The following NSD2 variants were observed in gnomAD, a reference collection of about 807,000 sequenced individuals.
NSD2 encodes the protein histone-lysine N-methyltransferase NSD2.
NSD2 carries 12 observed loss-of-function variants against 139.0 expected under a neutral mutation model. The observed-to-expected ratio is 0.09, with a 90% CI of 0.06 to 0.14. The LOEUF (loss-of-function observed/expected upper bound fraction) is 0.14. Ranked by LOEUF, NSD2 falls within the 10% of genes least tolerant of loss-of-function variation. The pLI is 1.00. For synonymous variants in NSD2, 669 were observed against 648.7 expected (o/e 1.03, Z -0.48); for missense variants, 1,155 against 1,745.0 (o/e 0.66, Z 6.02).
At chr4:1,898,678 A>G (rs1716743816) in intron 1 of NSD2, among the ~76,000 whole-genome samples, 1 of 149,458 alleles carries the variant, frequency 6.7e-6, no homozygotes, top group African/African-American at 2.5e-5. Flanking sequence ...AAAACAAAAA[A>G]CAAAAAACAC....
intron 19 of NSD2, 122 bp downstream of exon 19, chr4:1,975,126 CTT>C (rs1394497068): frequency 6.6e-6 from 10 of 1,512,320 alleles, no homozygotes; most frequent in Non-Finnish European, 8.1e-6. Context: ...TGTGGAGTCT[CTT>C]TTGGTTTGAA....
In NSD2 at chr4:1,978,598, C is replaced by T. The variant is rs775845035; in HGVS notation, c.3827-40C>T. ...CCACGATAATGTTGAAGTCGTGATT[C>T]CATCACTTCTGTGTGCTCACATCTT... is the stretch of plus-strand genomic sequence containing the variant. On this transcript the variant is annotated intron_variant, in intron 21 of 21. Coordinates refer to ENST00000508803, the MANE Select transcript of NSD2 (RefSeq NM_001042424.3). The T allele has an allele frequency of 4.5e-6, 7 of 1,562,562 alleles. No homozygotes were observed. The South Asian group carries it at 7.2e-5, about 16-fold the overall frequency.
At chr4:1,944,749 C>G in intron 9 of NSD2, 4 of 1,064,660 alleles carry the variant, frequency 3.8e-6, no homozygotes, top group Non-Finnish European at 4.6e-6. Flanking sequence ...CTTTATATAT[C>G]TGCTTCTAAA....
rs1329396675 is a variant in NSD2, at chr4:1,918,635, G to A, written c.1410+12G>A. 6.2e-7 allele frequency: 1 copy of A among 1,609,894 alleles called. No individual in the cohort carries two copies. The highest frequency in any genetic ancestry group is 8.5e-7 in the Non-Finnish European group (1 of 1,177,462). On this transcript the variant is annotated intron_variant, in intron 5 of 21. Transcript: ENST00000508803. ...AACACAGGGATGAGGTCAGTACTAA[G>A]TTGTGTTTCATGCTAGCAAGTTTCA... is the stretch of plus-strand genomic sequence containing the variant.
intron 1 of NSD2, among the ~76,000 whole-genome samples, chr4:1,896,663 G>A (rs549810888): frequency 4.9e-4 from 73 of 149,492 alleles, no homozygotes; most frequent in Non-Finnish European, 9.4e-4. Flanking sequence ...CACTGTGCCC[G>A]GCCTCCCTCC....
At position 1,959,632 on chromosome 4, in the gene NSD2, C is replaced by T. The variant is rs199630463; in HGVS notation, c.3147C>T (p.Gly1049=). The part of the protein sequence containing the change: ...FECHPQVCPA[G]EFCQNQCFTK... Reference sequence around the variant, plus strand: ...GCCACCCGCAGGTGTGTCCCGCGGGCGAGTTCTGCCAGAACCAGTGCTTCA... The same window carrying T: ...GCCACCCGCAGGTGTGTCCCGCGGGTGAGTTCTGCCAGAACCAGTGCTTCA... The change falls in exon 17 of 22, where the codon GGC becomes GGT. Residue 1049 remains glycine, a synonymous_variant. Transcript: ENST00000508803. The T allele has an allele frequency of 2.2e-5, 36 of 1,614,106 alleles. No individual in the cohort carries two copies. Among genetic ancestry groups the T allele is most frequent in the African/African-American group, 1.2e-4 (9 of 75,012 alleles).
Position 1,912,863 on chromosome 4 carries a change from C to G in NSD2, c.761-4008C>G, listed in dbSNP as rs1718858697. On this transcript the variant is annotated intron_variant, in intron 3 of 21. Transcript: ENST00000508803. ...GTAAGCTTAGACTTTCTTTAAGCTG[C>G]TTTCCCTAGTTATTTACATTGTTTT... Among the ~76,000 whole-genome samples, 3 of 152,252 alleles carry G rather than the reference C, an allele frequency of 2.0e-5. No homozygotes were observed. The South Asian group carries it at 6.2e-4, about 32-fold the overall frequency.
chr4:1,901,811 A>T (rs1362834155), intron 2 of NSD2, among the ~76,000 whole-genome samples: 1 of 152,144 alleles, frequency 6.6e-6, no homozygotes, highest in Non-Finnish European at 1.5e-5. Flanking sequence ...AGGCCTAGGG[A>T]TGTGTCTTTT....
At chr4:1,922,220 T>G (rs553741302) in intron 5 of NSD2, among the ~76,000 whole-genome samples, 42 of 152,232 alleles carry the variant, frequency 2.8e-4, no homozygotes, top group African/African-American at 9.4e-4. Context: ...TGTAGAAAAC[T>G]CAAGAGAATG....
chr4:1,975,921 G>A (rs1254850791), intron 20 of NSD2, among the ~76,000 whole-genome samples: 3 of 152,158 alleles, frequency 2.0e-5, no homozygotes, highest in African/African-American at 7.2e-5. Flanking sequence ...ACCTTCCAAG[G>A]TTCCAGGAAG....
intron 18 of NSD2, among the ~76,000 whole-genome samples, chr4:1,969,464 C>T (rs1460131275): frequency 6.6e-6 from 1 of 152,020 alleles, no homozygotes; most frequent in Non-Finnish European, 1.5e-5. Flanking sequence ...CTTTGGGAGG[C>T]CGAGGCAGGA....
chr4:1,921,688 A>G (rs1319759362), intron 5 of NSD2, among the ~76,000 whole-genome samples: 1 of 150,582 alleles, frequency 6.6e-6, no homozygotes, highest in African/African-American at 2.5e-5. Flanking sequence ...AGGTTGAGAA[A>G]GGAGAATCGG....
intron 20 of NSD2, chr4:1,975,750 G>A (rs1005358753): frequency 3.9e-6 from 1 of 255,732 alleles, no homozygotes. Context: ...GCTGCTCCTT[G>A]GCTTGTAGCA....
At chr4:1,960,041 T>G (rs1417693038) in intron 17 of NSD2, among the ~76,000 whole-genome samples, 1 of 152,002 alleles carries the variant, frequency 6.6e-6, no homozygotes, top group African/African-American at 2.4e-5. Flanking sequence ...TATTTTTTTT[T>G]GGAGATGGGG....
intron 1 of NSD2, among the ~76,000 whole-genome samples, chr4:1,872,456 G>A (rs182037284): frequency 1.8e-3 from 269 of 152,276 alleles, no homozygotes; most frequent in African/African-American, 6.2e-3. Flanking sequence ...AGGACCCATT[G>A]CAGCACGAAT....
chr4:1,888,928 C>T (rs1715325627), intron 1 of NSD2, among the ~76,000 whole-genome samples: 1 of 147,422 alleles, frequency 6.8e-6, no homozygotes, highest in Non-Finnish European at 1.5e-5. Flanking sequence ...GAGACAGTCT[C>T]ACTCTGTTGG....
In NSD2 at chr4:1,901,159, A is replaced by G; in HGVS notation, c.505A>G (p.Arg169Gly). ...QKPENKARRNRKRSIKYDSLL... is the reference protein window; with the variant it reads ...QKPENKARRNGKRSIKYDSLL... ...ACCAGAAAACAAGGCGAGAAGGAAC[A>G]GGAAGAGGAGCATAAAATATGACTC... The change falls in exon 2 of 22, where the codon AGG (arginine) becomes GGG (glycine). Residue 169 changes from arginine (R) to glycine (G), a missense_variant. By Grantham distance (125) the Arg-to-Gly change is moderately radical. Transcript: ENST00000508803. The G allele has an allele frequency of 6.2e-7, 1 of 1,614,202 alleles. No individual in the cohort carries two copies. Among genetic ancestry groups the G allele is most frequent in the Non-Finnish European group, 8.5e-7 (1 of 1,180,010 alleles).
chr4:1,953,299 C>T (rs1330999537), intron 11 of NSD2, 25 bp from the exon 12 acceptor site: 2 of 1,614,124 alleles, frequency 1.2e-6, no homozygotes, highest in Middle Eastern at 1.6e-4. Context: ...CCTCTCTCTC[C>T]ACCCCTTCTT....
At chr4:1,950,590 C>T (rs775489284) in intron 9 of NSD2, among the ~76,000 whole-genome samples, 5 of 152,206 alleles carry the variant, frequency 3.3e-5, no homozygotes, top group East Asian at 1.9e-4. Flanking sequence ...TCCACCCCGG[C>T]GGCAGCTGGA....
Sources: gnomAD v4.1 joint callset for allele counts (sites outside exome capture counted in the v4.1 genomes callset) on GRCh38, gnomAD v4.1.1 for gene constraint, MANE v1.5 for transcripts, NCBI Gene and HGNC (gene_info 2026-07-23, HGNC 2026-07-21) for gene names.